COMMD10: variants seen among roughly 807,000 people sequenced by gnomAD.
COMMD10 encodes the protein COMM domain-containing protein 10.
COMMD10 carries 33 observed loss-of-function variants against 28.9 expected under a neutral mutation model. That is an observed-to-expected ratio of 1.14 (90% confidence interval 0.87 to 1.53). COMMD10 has a LOEUF of 1.53. Ranked by LOEUF, COMMD10 falls within the 40% of genes most tolerant of loss-of-function variation. The probability of loss-of-function intolerance (pLI) is 0.00; values close to 1 mark genes in which losing one functional copy is unlikely to be tolerated. For synonymous variants in COMMD10, 110 were observed against 81.7 expected, an observed-to-expected ratio of 1.35 and a Z score of -1.87; for missense variants, 310 against 233.4, an observed-to-expected ratio of 1.33 and a Z score of -2.14.
chr5:116,291,176 A>C (rs530741246), intron 5 of COMMD10, among the ~76,000 whole-genome samples: 1 of 152,174 alleles, frequency 6.6e-6, no homozygotes, highest in Non-Finnish European at 1.5e-5. Context: ...TATTTACTAG[A>C]TTTCAAACAG....
intron 5 of COMMD10, among the ~76,000 whole-genome samples, chr5:116,182,147 G>T (rs1400156196): frequency 6.6e-6 from 1 of 152,016 alleles, no homozygotes; most frequent in Non-Finnish European, 1.5e-5. Flanking sequence ...GAAACAACTA[G>T]GTCTGTTAAG....
chr5:116,122,934 T>G (rs1751492245), intron 4 of COMMD10, among the ~76,000 whole-genome samples: 1 of 152,180 alleles, frequency 6.6e-6, no homozygotes, highest in Admixed American at 6.5e-5. Context: ...CGGGGACAGT[T>G]TGACTTCCTC....
chr5:116,204,090 C>G (rs1327875904), intron 5 of COMMD10, among the ~76,000 whole-genome samples: 1 of 151,986 alleles, frequency 6.6e-6, no homozygotes, highest in African/African-American at 2.4e-5. Context: ...GGGTTGCATC[C>G]TAGTCTCTGA....
chr5:116,201,170 T>C (rs1203643918), intron 5 of COMMD10, among the ~76,000 whole-genome samples: 2 of 152,182 alleles, frequency 1.3e-5, no homozygotes, highest in East Asian at 3.9e-4. Context: ...TAGGCTCTGA[T>C]AGAACTCCAA....
intron 5 of COMMD10, among the ~76,000 whole-genome samples, chr5:116,152,991 A>AGCTTGGCAT (rs1752585278): frequency 2.0e-5 from 3 of 152,210 alleles, no homozygotes; most frequent in Admixed American, 6.6e-5. Context: ...CTACCCACTC[A>AGCTTGGCAT]GGTATTTTAG....
intron 2 of COMMD10, among the ~76,000 whole-genome samples, chr5:116,088,277 CTG>C (rs1750176515): frequency 6.6e-6 from 1 of 152,198 alleles, no homozygotes; most frequent in African/African-American, 2.4e-5. Context: ...AGCCTCAAAA[CTG>C]TGCCTTTCCC....
chr5:116,267,825 C>T (rs1424657033), intron 5 of COMMD10, among the ~76,000 whole-genome samples: 2 of 151,770 alleles, frequency 1.3e-5, no homozygotes, highest in African/African-American at 4.9e-5. Flanking sequence ...CTTTGACAAA[C>T]CTGAGAAAAA....
At chr5:116,181,239 A>T (rs1747947908) in intron 5 of COMMD10, among the ~76,000 whole-genome samples, 1 of 152,000 alleles carries the variant, frequency 6.6e-6, no homozygotes, top group African/African-American at 2.4e-5. Context: ...GTTGGATTAC[A>T]TTGAGATCTC....
At chr5:116,225,895 TG>T (rs1473400966) in intron 5 of COMMD10, among the ~76,000 whole-genome samples, 1 of 152,136 alleles carries the variant, frequency 6.6e-6, no homozygotes, top group Non-Finnish European at 1.5e-5. Context: ...GCTAGGAATT[TG>T]TGTAGCTTGT....
At chr5:116,165,746 G>A (rs1054843160) in intron 5 of COMMD10, among the ~76,000 whole-genome samples, 3 of 151,992 alleles carry the variant, frequency 2.0e-5, no homozygotes, top group Admixed American at 6.6e-5. Context: ...CAGAGAGATG[G>A]TGTCTCTTCT....
intron 5 of COMMD10, among the ~76,000 whole-genome samples, chr5:116,169,104 C>T (rs750863424): frequency 1.3e-5 from 2 of 151,946 alleles, no homozygotes; most frequent in Admixed American, 6.6e-5. Flanking sequence ...CCTCTAGCCA[C>T]ACTAATAAAG....
intron 5 of COMMD10, among the ~76,000 whole-genome samples, chr5:116,208,276 T>G (rs1748869198): frequency 6.6e-6 from 1 of 152,166 alleles, no homozygotes; most frequent in African/African-American, 2.4e-5. Flanking sequence ...TTTATTGCAC[T>G]TTTGGAGCCT....
intron 4 of COMMD10, among the ~76,000 whole-genome samples, chr5:116,094,190 ATCT>A (rs1750395641): frequency 6.6e-6 from 1 of 152,156 alleles, no homozygotes; most frequent in African/African-American, 2.4e-5. Context: ...TAAACTAAAA[ATCT>A]TCTGTACATT....
intron 5 of COMMD10, among the ~76,000 whole-genome samples, chr5:116,273,041 G>C (rs1433175155): frequency 6.6e-6 from 1 of 151,660 alleles, no homozygotes; most frequent in Non-Finnish European, 1.5e-5. Flanking sequence ...AAACATCAAT[G>C]ATTTCACCAC....
At chr5:116,218,262 C>T (rs1749156445) in intron 5 of COMMD10, 4 of 740,374 alleles carry the variant, frequency 5.4e-6, no homozygotes, top group Non-Finnish European at 7.6e-6. Flanking sequence ...GCTTTATCTC[C>T]TTTAGCATCC....
chr5:116,182,167 G>A (rs1337244599), intron 5 of COMMD10, among the ~76,000 whole-genome samples: 1 of 151,996 alleles, frequency 6.6e-6, no homozygotes, highest in African/African-American at 2.4e-5. Flanking sequence ...GAGGAGGGAG[G>A]CGCATTATTC....
chr5:116,147,022 C>G (rs986666440), intron 5 of COMMD10, among the ~76,000 whole-genome samples: 2 of 151,786 alleles, frequency 1.3e-5, no homozygotes, highest in African/African-American at 4.8e-5. Flanking sequence ...TCTTATATCA[C>G]AGGACTTATT....
At chr5:116,167,661 G>T (rs1753175939) in intron 5 of COMMD10, among the ~76,000 whole-genome samples, 1 of 152,176 alleles carries the variant, frequency 6.6e-6, no homozygotes, top group Admixed American at 6.5e-5. Flanking sequence ...AGCCAGAAGA[G>T]AGTGGGGGCC....
At chr5:116,092,742 T>A (rs6894046) in intron 4 of COMMD10, 42 bp downstream of exon 4, 834,884 of 1,380,632 alleles carry the variant, frequency 0.6, 260,581 homozygotes, top group Non-Finnish European at 0.65. Flanking sequence ...CAATAACATA[T>A]GGCATAAATT....
Sources: gnomAD v4.1 joint callset for allele counts (sites outside exome capture counted in the v4.1 genomes callset) on GRCh38, gnomAD v4.1.1 for gene constraint, MANE v1.5 for transcripts, NCBI Gene and HGNC (gene_info 2026-07-23, HGNC 2026-07-21) for gene names.